SSBP2: variants seen among roughly 807,000 people sequenced by gnomAD.
SSBP2 encodes the protein single stranded DNA binding protein 2.
In SSBP2, 17 loss-of-function variants were observed where a neutral mutation model predicts 61.8. The ratio of observed to expected loss-of-function variants is 0.28; its 90% CI spans 0.19 to 0.41. The LOEUF (loss-of-function observed/expected upper bound fraction) is 0.41. SSBP2 is among the 10% of genes least tolerant of loss of function. SSBP2 has a pLI of 1.00. For missense variants in SSBP2, 310 were observed against 458.7 expected, an observed-to-expected ratio of 0.68 and a Z score of 2.96; for synonymous variants, 139 against 141.3, an observed-to-expected ratio of 0.98 and a Z score of 0.12.
chr5:81,550,774 A>G (rs1486014768), intron 4 of SSBP2, among the ~76,000 whole-genome samples: 1 of 152,226 alleles, frequency 6.6e-6, no homozygotes, highest in Non-Finnish European at 1.5e-5. Flanking sequence ...CAAACACAGG[A>G]ATTATGTTTA....
rs1770085377 is a variant in SSBP2 at position 81,527,939 on chromosome 5, C to G, written c.283-14222G>C. ...AAAAAGTGTTCTAATTTAAGTCCCT[C>G]TTTTATATATTTTTTCTGTATTACA... On this transcript the variant is annotated intron_variant, in intron 4 of 16. Transcript: ENST00000320672. Among the ~76,000 whole-genome samples, 3 of 151,078 alleles carry G rather than the reference C, an allele frequency of 2.0e-5. No individual in the cohort carries two copies. In the South Asian group the frequency reaches 6.3e-4, roughly 32 times the overall value.
At chr5:81,582,669 C>T (rs1287636315) in intron 4 of SSBP2, among the ~76,000 whole-genome samples, 1 of 152,128 alleles carries the variant, frequency 6.6e-6, no homozygotes, top group South Asian at 2.1e-4. Context: ...TCTTGGCTCA[C>T]TACAAACTCC....
At chr5:81,659,452 C>T (rs1045954618) in intron 1 of SSBP2, among the ~76,000 whole-genome samples, 2 of 152,084 alleles carry the variant, frequency 1.3e-5, no homozygotes, top group African/African-American at 4.8e-5. Flanking sequence ...AGGAATACAA[C>T]TTACAAGGGA....
At chr5:81,508,922 C>T (rs1055916117) in intron 5 of SSBP2, among the ~76,000 whole-genome samples, 1 of 152,124 alleles carries the variant, frequency 6.6e-6, no homozygotes, top group Admixed American at 6.6e-5. Context: ...TTCTAATAGG[C>T]TAAATTCTTT....
intron 1 of SSBP2, among the ~76,000 whole-genome samples, chr5:81,742,416 G>C (rs1757086845): frequency 6.6e-6 from 1 of 152,186 alleles, no homozygotes; most frequent in Admixed American, 6.5e-5. Flanking sequence ...ATAGACTATT[G>C]TGACATATTT....
At chr5:81,728,560 T>C (rs1323423312) in intron 1 of SSBP2, among the ~76,000 whole-genome samples, 1 of 152,232 alleles carries the variant, frequency 6.6e-6, no homozygotes, top group African/African-American at 2.4e-5. Context: ...ACTCAACTTC[T>C]CCTTTACTAA....
intron 1 of SSBP2, among the ~76,000 whole-genome samples, chr5:81,731,668 T>A (rs940689376): frequency 6.6e-6 from 1 of 152,126 alleles, no homozygotes; most frequent in African/African-American, 2.4e-5. Context: ...TTAAAAGATA[T>A]TCTTTCCTTT....
At chr5:81,724,163 T>C (rs1755723490) in intron 1 of SSBP2, among the ~76,000 whole-genome samples, 1 of 151,998 alleles carries the variant, frequency 6.6e-6, no homozygotes, top group Non-Finnish European at 1.5e-5. Context: ...TTAGAGTAAG[T>C]GTGTTGAGGT....
At chr5:81,486,869 C>T (rs1048208010) in intron 6 of SSBP2, among the ~76,000 whole-genome samples, 1 of 152,098 alleles carries the variant, frequency 6.6e-6, no homozygotes, top group African/African-American at 2.4e-5. Context: ...ATGAGATGAC[C>T]CAGCACTGCT....
intron 3 of SSBP2, among the ~76,000 whole-genome samples, chr5:81,634,952 G>T (rs960390587): frequency 6.6e-6 from 1 of 152,168 alleles, no homozygotes; most frequent in Non-Finnish European, 1.5e-5. Flanking sequence ...TGCTTACTTC[G>T]TTATTTGTTT....
intron 15 of SSBP2, among the ~76,000 whole-genome samples, chr5:81,436,047 G>C (rs758850338): frequency 3.3e-5 from 5 of 151,920 alleles, no homozygotes; most frequent in Non-Finnish European, 5.9e-5. Flanking sequence ...AATTAGCAAG[G>C]CTTCGTGGTA....
chr5:81,493,147 T>G (rs1009800511), intron 5 of SSBP2, among the ~76,000 whole-genome samples: 5 of 151,764 alleles, frequency 3.3e-5, no homozygotes, highest in African/African-American at 9.7e-5. Context: ...AAAGCTACAC[T>G]TAACAATGAG....
At chr5:81,495,746 C>A (rs1230963541) in intron 5 of SSBP2, among the ~76,000 whole-genome samples, 2 of 152,020 alleles carry the variant, frequency 1.3e-5, no homozygotes, top group Non-Finnish European at 2.9e-5. Context: ...TATAAGTCAC[C>A]TTATATCTCA....
At chr5:81,440,062 A>G (rs1762931580) in intron 14 of SSBP2, among the ~76,000 whole-genome samples, 1 of 152,198 alleles carries the variant, frequency 6.6e-6, no homozygotes, top group African/African-American at 2.4e-5. Context: ...AATCATTCAA[A>G]TTATCCAGAA....
chr5:81,501,264 TATATAC>T (rs1172020072), intron 5 of SSBP2, among the ~76,000 whole-genome samples: 52 of 42,356 alleles, frequency 1.2e-3, no homozygotes, highest in Non-Finnish European at 1.9e-3. Context: ...TATATATATA[TATATAC>T]ACACACACAC....
chr5:81,636,464 A>T, intron 3 of SSBP2, 93 bp downstream of exon 3: 1 of 1,056,622 alleles, frequency 9.5e-7, no homozygotes, highest in Non-Finnish European at 1.3e-6. Context: ...AAAATGAAAA[A>T]ATAAAAAGGA....
Position 81,541,139 on chromosome 5 carries a change from C to A in SSBP2, c.283-27422G>T, listed in dbSNP as rs558196531. Among the ~76,000 whole-genome samples, 4 of 152,024 alleles carry A rather than the reference C, an allele frequency of 2.6e-5. No individual in the cohort carries two copies. The South Asian group carries it at 8.3e-4, about 32-fold the overall frequency. Reference sequence around the variant, plus strand: ...ATACTAATCATGTTCAAGCTGAGAGCCAAACCAAGAATGCAATCCCATTTA... The same window carrying A: ...ATACTAATCATGTTCAAGCTGAGAGACAAACCAAGAATGCAATCCCATTTA... On this transcript the variant is annotated intron_variant, in intron 4 of 16. Transcript: ENST00000320672.
intron 4 of SSBP2, among the ~76,000 whole-genome samples, chr5:81,604,418 G>A (rs1466257998): frequency 6.6e-6 from 1 of 151,976 alleles, no homozygotes; most frequent in Non-Finnish European, 1.5e-5. Context: ...AAAATGTGGT[G>A]TGCTTTGTAC....
At position 81,572,050 on chromosome 5, in the gene SSBP2, G is replaced by GA. The variant is rs548183634; in HGVS notation, c.282+43422dup. On this transcript the variant is annotated intron_variant, in intron 4 of 16. Transcript: ENST00000320672. ...CTCCAAGAAATAGCAGATCAATTTG[G>GA]AAAAAATCAACTACAAGTCTCTAAC... Among the ~76,000 whole-genome samples the GA allele has an allele frequency of 3.7e-3, 556 of 152,122 alleles. 3 individuals are homozygous for GA. Among genetic ancestry groups the GA allele is most frequent in the African/African-American group, 0.012 (500 of 41,512 alleles).
Sources: allele counts gnomAD v4.1 joint callset (sites outside exome capture counted in the v4.1 genomes callset), GRCh38; gene constraint gnomAD v4.1.1; transcripts MANE v1.5; gene names NCBI Gene and HGNC (gene_info 2026-07-23, HGNC 2026-07-21).